The following KLHDC2 variants were observed in gnomAD, a reference collection of about 807,000 sequenced individuals.
KLHDC2 encodes the protein kelch domain-containing protein 2.
Under a neutral mutation model 62.3 loss-of-function variants are expected in KLHDC2, and 38 were observed. That is an observed-to-expected ratio of 0.61 (90% CI 0.47 to 0.80). The LOEUF (loss-of-function observed/expected upper bound fraction) is 0.80. KLHDC2 is among the 30% of genes least tolerant of loss of function. The probability of loss-of-function intolerance (pLI) is 0.00; values close to 1 mark genes in which losing one functional copy is unlikely to be tolerated. For missense variants in KLHDC2, 430 were observed against 495.3 expected (o/e 0.87, Z 1.25); for synonymous variants, 159 against 161.0 (o/e 0.99, Z 0.09).
chr14:49,782,934 A>G lies in KLHDC2; in HGVS notation c.1202A>G (p.Asn401Ser), dbSNP rs770853934. Residue 401 changes from asparagine to serine, a missense_variant, in exon 13 of 13, where the codon AAC (asparagine) becomes AGC (serine). By Grantham distance (46) the Asn-to-Ser change is conservative. Transcript: ENST00000298307. ...LHSVNQRFGS[N>S]NTSGS ...AGTGTTAATCAGAGGTTTGGTAGTA[A>G]CAACACTTCTGGATCTTAAGGCTTC... 1.6e-5 allele frequency: 26 copies of G among 1,613,380 alleles called. No individual in the cohort carries two copies. Among genetic ancestry groups the G allele is most frequent in the East Asian group, 4.5e-5 (2 of 44,836 alleles).
chr14:49,770,659 A>T (rs1353910529), intron 1 of KLHDC2, among the ~76,000 whole-genome samples: 1 of 152,170 alleles, frequency 6.6e-6, no homozygotes, highest in Non-Finnish European at 1.5e-5. Flanking sequence ...AAATTACTTA[A>T]ACTCTAAACT....
intron 10 of KLHDC2, among the ~76,000 whole-genome samples, chr14:49,781,915 T>C (rs1889921387): frequency 6.6e-6 from 1 of 152,210 alleles, no homozygotes; most frequent in African/African-American, 2.4e-5. Flanking sequence ...CTAAACCAAG[T>C]ATAGTCATGC....
chr14:49,785,452 T>C lies in KLHDC2; in HGVS notation c.*2499T>C, dbSNP rs1029762412. ...ATACATACCATCTAAGCTGGAACAG[T>C]GGTACTTAAACTCTGCTTCATAGTT... On this transcript the variant is annotated 3_prime_UTR_variant, in exon 13 of 13. Coordinates refer to ENST00000298307, the MANE Select transcript of KLHDC2 (RefSeq NM_014315.3). 1 of 660,504 alleles carries C rather than the reference T, an allele frequency of 1.5e-6. No homozygotes were observed. Among genetic ancestry groups the C allele is most frequent in the East Asian group, 2.7e-5 (1 of 36,380 alleles). The allele number at this position is 660,504 out of a possible 1,614,324, so 40.9% of individuals were successfully genotyped here. A position where few individuals can be genotyped will look rare whatever the true frequency, so the allele number is the denominator to read the frequency against.
intron 4 of KLHDC2, 76 bp downstream of exon 4, chr14:49,778,030 C>G: frequency 9.9e-7 from 1 of 1,008,462 alleles, no homozygotes; most frequent in Non-Finnish European, 1.5e-6. Flanking sequence ...AGCCAGTAAA[C>G]ATTTGCACAG....
intron 1 of KLHDC2, among the ~76,000 whole-genome samples, chr14:49,769,896 G>A (rs1416853538): frequency 6.6e-6 from 1 of 150,382 alleles, no homozygotes; most frequent in Non-Finnish European, 1.5e-5. Flanking sequence ...GAGCTGAGAC[G>A]GCGCCATTGC....
intron 2 of KLHDC2, among the ~76,000 whole-genome samples, chr14:49,773,964 A>C (rs1259874559): frequency 6.6e-6 from 1 of 152,240 alleles, no homozygotes; most frequent in East Asian, 1.9e-4. Context: ...TTTTAGCAGA[A>C]GACCTTGAGT....
In KLHDC2 at chr14:49,768,359, C is replaced by A. The variant is rs1246968104; in HGVS notation, c.-110C>A. 7 of 1,273,326 alleles carry A rather than the reference C, an allele frequency of 5.5e-6. No individual in the cohort carries two copies. The South Asian group carries it at 1.0e-4, about 19-fold the overall frequency. 78.9% of individuals were successfully genotyped at this position (1,273,326 alleles called of 1,614,324 possible). On this transcript the variant is annotated 5_prime_UTR_variant, in exon 1 of 13. Coordinates refer to ENST00000298307, the MANE Select transcript of KLHDC2 (RefSeq NM_014315.3). ...AGAGGCCTCAACGCCGTCCCTTTCG[C>A]CACCGCCTTTTCCTTGCCTCGCGCC...
chr14:49,778,864 C>T (rs1889827473), intron 6 of KLHDC2, among the ~76,000 whole-genome samples: 1 of 151,922 alleles, frequency 6.6e-6, no homozygotes, highest in South Asian at 2.1e-4. Flanking sequence ...TCTGGGATTA[C>T]AGATGCCCGC....
At chr14:49,773,591 TAA>T (rs1889709438) in intron 2 of KLHDC2, among the ~76,000 whole-genome samples, 1 of 75,542 alleles carries the variant, frequency 1.3e-5, no homozygotes. Flanking sequence ...TTTTTTTTTT[TAA>T]TGAGAGGGAG....
chr14:49,779,979 A>G (rs1889854080), intron 8 of KLHDC2, 173 bp downstream of exon 8: 1 of 625,846 alleles, frequency 1.6e-6, no homozygotes, highest in Non-Finnish European at 2.8e-6. Flanking sequence ...AGTTCCTGTA[A>G]CTATGTGCCT....
At chr14:49,779,867 AC>A (rs1450392849) in intron 8 of KLHDC2, 61 bp downstream of exon 8, 1 of 1,154,590 alleles carries the variant, frequency 8.7e-7, no homozygotes, top group Non-Finnish European at 1.3e-6. Flanking sequence ...TATATTCCCT[AC>A]TATTGGTATA....
At chr14:49,778,052 T>C in intron 4 of KLHDC2, 98 bp downstream of exon 4, 1 of 901,248 alleles carries the variant, frequency 1.1e-6, no homozygotes, top group Non-Finnish European at 1.8e-6. Flanking sequence ...ACATACCTCA[T>C]AGGGCCCATA....
chr14:49,779,317 C>T (rs557659910), intron 6 of KLHDC2, among the ~76,000 whole-genome samples: 43 of 152,158 alleles, frequency 2.8e-4, no homozygotes, highest in African/African-American at 9.6e-4. Flanking sequence ...TTCCCTTTGA[C>T]GCAGATATTA....
intron 1 of KLHDC2, 132 bp downstream of exon 1, chr14:49,768,753 C>A (rs1420608509): frequency 6.2e-6 from 5 of 807,184 alleles, no homozygotes; most frequent in African/African-American, 5.6e-5. Flanking sequence ...ACCTCAGACT[C>A]TGCCCGTTGG....
At chr14:49,769,919 G>A (rs989439768) in intron 1 of KLHDC2, among the ~76,000 whole-genome samples, 1 of 124,766 alleles carries the variant, frequency 8.0e-6, no homozygotes, top group Non-Finnish European at 1.6e-5. Context: ...TCCAGCCTGG[G>A]CAACAAGAAG....
chr14:49,768,316 C>CG lies in KLHDC2; in HGVS notation c.-152dup, dbSNP rs1889585975. The CG allele has an allele frequency of 6.1e-6, 5 of 819,132 alleles. No individual in the cohort carries two copies. The highest frequency in any genetic ancestry group is 9.1e-6 in the Non-Finnish European group (5 of 549,870). 50.7% of individuals were successfully genotyped at this position (819,132 alleles called of 1,614,324 possible). On this transcript the variant is annotated 5_prime_UTR_variant, in exon 1 of 13. Coordinates refer to ENST00000298307, the MANE Select transcript of KLHDC2 (RefSeq NM_014315.3). The stretch of plus-strand genomic sequence containing the variant: ...GTCCTCGGCCGAGGAGGCTGGGAAA[C>CG]GCGAGCGCAGGCGGCAGAGAGGCCT...
chr14:49,768,429 G>A lies in KLHDC2; in HGVS notation c.-40G>A. ...TTCCTTTGTTTTTTTGGCCCCTCGC[G>A]GGTGTGGGCATTGTTGGTTAGCAAA... On this transcript the variant is annotated 5_prime_UTR_variant, in exon 1 of 13. Coordinates refer to ENST00000298307, the MANE Select transcript of KLHDC2 (RefSeq NM_014315.3). 6.3e-7 allele frequency: 1 copy of A among 1,590,842 alleles called. No homozygotes were observed. Among genetic ancestry groups the A allele is most frequent in the Non-Finnish European group, 8.5e-7 (1 of 1,169,642 alleles).
In KLHDC2 at chr14:49,786,143, G is replaced by A. The variant is rs7152960; in HGVS notation, c.*3190G>A. ...AAGGAATAGGTAGGGGCTGCTACTGGGATCTAGTGGGTAAAGGCCGAGGAT... is the reference window on the plus strand; with the variant it reads ...AAGGAATAGGTAGGGGCTGCTACTGAGATCTAGTGGGTAAAGGCCGAGGAT... On this transcript the variant is annotated 3_prime_UTR_variant, in exon 13 of 13. Transcript: ENST00000298307. The A allele has an allele frequency of 0.97, 147,889 of 152,736 alleles. 71,788 individuals are homozygous for A. The highest frequency in any genetic ancestry group is 1 in the Middle Eastern group (294 of 294). The allele number at this position is 152,736 out of a possible 1,614,324, so 9.5% of individuals were successfully genotyped here. A position where few individuals can be genotyped will look rare whatever the true frequency, so the allele number is the denominator to read the frequency against.
Position 49,777,981 on chromosome 14 carries a change from G to A in KLHDC2, c.467+27G>A, listed in dbSNP as rs768179815. On this transcript the variant is annotated intron_variant, in intron 4 of 12. Coordinates refer to ENST00000298307, the MANE Select transcript of KLHDC2 (RefSeq NM_014315.3). ...TAAGTTGGCAGCACTACAGGTTTGG[G>A]TTTTTATGTGTAAAGTGGTTTACCA... The A allele has an allele frequency of 4.3e-5, 59 of 1,377,188 alleles. No individual in the cohort carries two copies. The East Asian group carries it at 1.3e-3, about 32-fold the overall frequency. 85.3% of individuals were successfully genotyped at this position (1,377,188 alleles called of 1,614,324 possible). A position where few individuals can be genotyped will look rare whatever the true frequency, so the allele number is the denominator to read the frequency against.
Sources: allele counts gnomAD v4.1 joint callset (sites outside exome capture counted in the v4.1 genomes callset), GRCh38; gene constraint gnomAD v4.1.1; transcripts MANE v1.5; gene names NCBI Gene and HGNC (gene_info 2026-07-23, HGNC 2026-07-21).